The following NOL4L variants were observed in gnomAD, a reference collection of about 807,000 sequenced individuals.
NOL4L encodes nucleolar protein 4 like, also known as nucleolar protein 4-like.
Under a neutral mutation model 64.5 loss-of-function variants are expected in NOL4L, and 7 were observed. The ratio of observed to expected loss-of-function variants is 0.11; its 90% confidence interval spans 0.06 to 0.20. The LOEUF (loss-of-function observed/expected upper bound fraction) is 0.20, where lower values mean the gene tolerates loss of function less well. Among genes scored for constraint, NOL4L ranks in the 10% least tolerant of loss-of-function variants. The probability of loss-of-function intolerance (pLI) is 1.00; values close to 1 mark genes in which losing one functional copy is unlikely to be tolerated. For synonymous variants in NOL4L, 413 were observed against 401.0 expected (o/e 1.03, Z -0.36); for missense variants, 680 against 967.1 (o/e 0.70, Z 3.94).
Position 32,559,364 on chromosome 20 carries a change from C to T in NOL4L, c.321+25206G>A, listed in dbSNP as rs1376175587. Among the ~76,000 whole-genome samples, 7 of 152,318 alleles carry T rather than the reference C, an allele frequency of 4.6e-5. No homozygotes were observed. The East Asian group carries it at 7.7e-4, about 17-fold the overall frequency. ...CCCCAAAGCCCAGCCTAGATGCTGG[C>T]ACATAGTAGGTACTCAGCAGATATT... On this transcript the variant is annotated intron_variant, in intron 1 of 10. Coordinates refer to ENST00000621426, the MANE Select transcript of NOL4L (RefSeq NM_001256798.2).
intron 3 of NOL4L, among the ~76,000 whole-genome samples, chr20:32,517,938 CCTCT>C (rs1476120764): frequency 2.6e-5 from 4 of 152,238 alleles, no homozygotes; most frequent in Non-Finnish European, 5.9e-5. Flanking sequence ...CACCTCAACA[CCTCT>C]CTGTGCCTCA....
intron 9 of NOL4L, 133 bp downstream of exon 9, chr20:32,452,751 C>G: frequency 3.6e-6 from 5 of 1,407,346 alleles, no homozygotes; most frequent in Non-Finnish European, 4.8e-6. Context: ...CTCTCCTTGT[C>G]TTTGCCCTCC....
chr20:32,465,980 C>CTTT (rs34290597), intron 5 of NOL4L, among the ~76,000 whole-genome samples: 5 of 129,120 alleles, frequency 3.9e-5, no homozygotes, highest in Non-Finnish European at 6.5e-5. Context: ...CACCTCCATT[C>CTTT]TTTTTTTTTT....
At chr20:32,530,268 G>T (rs6119259) in intron 1 of NOL4L, among the ~76,000 whole-genome samples, 1 of 152,200 alleles carries the variant, frequency 6.6e-6, no homozygotes, top group Non-Finnish European at 1.5e-5. Flanking sequence ...TTGGCTGGGC[G>T]CGGTGGCTCA....
chr20:32,516,393 C>T (rs959324142), intron 3 of NOL4L, among the ~76,000 whole-genome samples: 9 of 152,150 alleles, frequency 5.9e-5, no homozygotes, highest in South Asian at 2.1e-4. Flanking sequence ...AAACTGTGTG[C>T]GGTGCAGTCC....
intron 4 of NOL4L, among the ~76,000 whole-genome samples, chr20:32,481,816 C>G (rs2015731653): frequency 6.6e-6 from 1 of 152,238 alleles, no homozygotes; most frequent in African/African-American, 2.4e-5. Context: ...TTTCCCCAGA[C>G]CAACTCAGTC....
intron 1 of NOL4L, among the ~76,000 whole-genome samples, chr20:32,538,462 G>GCTCCCTCGCTCC (rs2018591586): frequency 7.9e-6 from 1 of 125,894 alleles, no homozygotes; most frequent in African/African-American, 3.1e-5. Context: ...TCCCTCCCTC[G>GCTCCCTCGCTCC]CTCCCTCCCT....
intron 4 of NOL4L, among the ~76,000 whole-genome samples, chr20:32,488,783 C>T (rs1255555966): frequency 4.5e-5 from 2 of 43,984 alleles, no homozygotes; most frequent in African/African-American, 1.9e-4. Context: ...TCCTTCCTTC[C>T]TTCCTTCCTT....
intron 4 of NOL4L, among the ~76,000 whole-genome samples, chr20:32,475,586 C>T (rs1373513715): frequency 2.6e-5 from 4 of 152,268 alleles, no homozygotes; most frequent in African/African-American, 9.6e-5. Context: ...GGAAGGGCCC[C>T]CACCTCCTCC....
At chr20:32,494,782 G>A (rs2016620862) in intron 4 of NOL4L, among the ~76,000 whole-genome samples, 1 of 152,218 alleles carries the variant, frequency 6.6e-6, no homozygotes, top group Non-Finnish European at 1.5e-5. Flanking sequence ...CAACCATGAG[G>A]AAAAGCCTCA....
At chr20:32,459,486 C>T (rs140913154) in intron 5 of NOL4L, among the ~76,000 whole-genome samples, 6 of 151,234 alleles carry the variant, frequency 4.0e-5, no homozygotes, top group Admixed American at 3.3e-4. Context: ...CAGGTTCAAG[C>T]GATTCTCCTG....
rs1040641330 is a variant in NOL4L, at chr20:32,463,675, C to T, written c.842-7280G>A. 2.0e-5 allele frequency among the ~76,000 whole-genome samples: 3 copies of T among 152,238 alleles called. No homozygotes were observed. The highest frequency in any genetic ancestry group is 4.4e-5 in the Non-Finnish European group (3 of 68,036). On this transcript the variant is annotated intron_variant, in intron 5 of 10. Transcript: ENST00000621426. This position sits in a 1 kb window ranked among gnomAD's most constrained non-coding sequence, Gnocchi z 5.8. ...GGGGAAATTGTTCCTCCCTCTGTCC[C>T]GTCTCCAGAAGGAGACAAAAACCCC...
intron 3 of NOL4L, among the ~76,000 whole-genome samples, chr20:32,520,517 A>G (rs551242620): frequency 4.9e-4 from 74 of 152,306 alleles, no homozygotes; most frequent in Middle Eastern, 6.8e-3. Flanking sequence ...GCCATTCCCA[A>G]CTGGAATCCG....
intron 5 of NOL4L, among the ~76,000 whole-genome samples, chr20:32,461,990 G>A (rs2014114329): frequency 6.6e-6 from 1 of 152,022 alleles, no homozygotes; most frequent in South Asian, 2.1e-4. Flanking sequence ...CGGGGTGAGT[G>A]CATGCCCCAG....
intron 4 of NOL4L, among the ~76,000 whole-genome samples, chr20:32,506,385 G>A (rs548737476): frequency 2.6e-5 from 4 of 151,986 alleles, no homozygotes; most frequent in Non-Finnish European, 5.9e-5. Context: ...AGCCAGGCCC[G>A]GCACGGTGGC....
chr20:32,511,509 G>T, intron 3 of NOL4L, 53 bp from the exon 4 acceptor site: 3 of 1,245,372 alleles, frequency 2.4e-6, no homozygotes, highest in African/African-American at 1.5e-5. Context: ...CGGGCCTGTT[G>T]CCCACATGGA....
rs529476335 is a variant in NOL4L, at chr20:32,464,356, C to T, written c.842-7961G>A. Among the ~76,000 whole-genome samples the T allele has an allele frequency of 1.2e-4, 19 of 152,192 alleles. No individual in the cohort carries two copies. The highest frequency in any genetic ancestry group is 2.5e-4 in the Non-Finnish European group (17 of 68,020). On this transcript the variant is annotated intron_variant, in intron 5 of 10. Coordinates refer to ENST00000621426, the MANE Select transcript of NOL4L (RefSeq NM_001256798.2). The surrounding 1 kb of genome is among the most constrained non-coding windows in gnomAD (Gnocchi z 5.6). ...TGGGGGACACTAGGACCCTACCATC[C>T]GGGTGATGGGGCCACACGGGGCACC...
At chr20:32,448,574 C>G (rs572674742) in intron 10 of NOL4L, among the ~76,000 whole-genome samples, 2 of 152,196 alleles carry the variant, frequency 1.3e-5, no homozygotes, top group Admixed American at 1.3e-4. Context: ...TCGAATCCCC[C>G]CTCCTGGGAG....
chr20:32,551,422 T>A (rs1437205026), intron 1 of NOL4L, among the ~76,000 whole-genome samples: 1 of 152,146 alleles, frequency 6.6e-6, no homozygotes, highest in African/African-American at 2.4e-5. Context: ...ATCGTGAGCA[T>A]CATCCTCATC....
Sources: allele counts gnomAD v4.1 joint callset (sites outside exome capture counted in the v4.1 genomes callset), GRCh38; gene constraint gnomAD v4.1.1; non-coding constraint Gnocchi (gnomAD v3.1); transcripts MANE v1.5; gene names NCBI Gene and HGNC (gene_info 2026-07-23, HGNC 2026-07-21).